Variants in DOCK3 observed in about 807,000 individuals in gnomAD.
DOCK3 encodes the protein dedicator of cytokinesis 3, also known as dedicator of cytokinesis protein 3.
DOCK3 carries 60 observed loss-of-function variants against 265.6 expected under a neutral mutation model. That is an observed-to-expected ratio of 0.23 (90% CI 0.18 to 0.28). The LOEUF (loss-of-function observed/expected upper bound fraction) is 0.28. DOCK3 is among the 10% of genes least tolerant of loss of function. The pLI is 1.00. For synonymous variants in DOCK3, 881 were observed against 938.0 expected, an observed-to-expected ratio of 0.94 and a Z score of 1.11; for missense variants, 1,981 against 2,594.3, an observed-to-expected ratio of 0.76 and a Z score of 5.14.
rs550649264 is a variant in DOCK3 at position 51,146,189 on chromosome 3, A to G, written c.747-360A>G. Among the ~76,000 whole-genome samples, 14 of 152,340 alleles carry G rather than the reference A, an allele frequency of 9.2e-5. No individual in the cohort carries two copies. The East Asian group carries it at 2.5e-3, about 27-fold the overall frequency. ...TTATGATGATCTGAGTGCTCACATC[A>G]AAGAATGTATATGCTTGTTATGGAT... On this transcript the variant is annotated intron_variant, in intron 9 of 52. Coordinates refer to ENST00000266037, the MANE Select transcript of DOCK3 (RefSeq NM_004947.5).
In DOCK3 at chr3:51,264,307, C is replaced by T. The variant is rs111261742; in HGVS notation, c.2355+3981C>T. Reference sequence around the variant, plus strand: ...AACTGAACAACCTGCTCCTGAATGACTACTGGGTACATAACGAAATTAAGG... The same window carrying T: ...AACTGAACAACCTGCTCCTGAATGATTACTGGGTACATAACGAAATTAAGG... On this transcript the variant is annotated intron_variant, in intron 23 of 52. Coordinates refer to ENST00000266037, the MANE Select transcript of DOCK3 (RefSeq NM_004947.5). 3.7e-3 allele frequency among the ~76,000 whole-genome samples: 568 copies of T among 152,280 alleles called. 4 individuals are homozygous for T. Among genetic ancestry groups the T allele is most frequent in the African/African-American group, 0.013 (544 of 41,560 alleles).
chr3:51,100,597 C>T (rs2083044077), intron 9 of DOCK3, among the ~76,000 whole-genome samples: 1 of 152,080 alleles, frequency 6.6e-6, no homozygotes, highest in African/African-American at 2.4e-5. Context: ...ATTTGACCCA[C>T]CACAGGAGAA....
chr3:51,317,389 C>T (rs1334473671), intron 32 of DOCK3, among the ~76,000 whole-genome samples: 3 of 150,846 alleles, frequency 2.0e-5, no homozygotes, highest in Admixed American at 6.6e-5. Context: ...AGCTATTGCA[C>T]CACGTGGTAA....
intron 5 of DOCK3, among the ~76,000 whole-genome samples, chr3:51,002,613 A>T (rs1452170101): frequency 6.6e-6 from 1 of 152,164 alleles, no homozygotes; most frequent in African/African-American, 2.4e-5. Context: ...TTCAAGGTTT[A>T]TTTGGGGGAG....
chr3:50,992,688 G>C (rs1219855201), intron 5 of DOCK3, among the ~76,000 whole-genome samples: 3 of 152,104 alleles, frequency 2.0e-5, no homozygotes, highest in African/African-American at 7.2e-5. Context: ...AATGTAATTG[G>C]GAATGATGAA....
At chr3:51,363,813 A>G (rs2086920984) in intron 49 of DOCK3, among the ~76,000 whole-genome samples, 1 of 152,226 alleles carries the variant, frequency 6.6e-6, no homozygotes, top group African/African-American at 2.4e-5. Flanking sequence ...AAAGGACATG[A>G]ACTCATCCTT....
intron 9 of DOCK3, among the ~76,000 whole-genome samples, chr3:51,093,001 T>G (rs1385291316): frequency 1.3e-5 from 2 of 152,194 alleles, no homozygotes; most frequent in Non-Finnish European, 2.9e-5. Flanking sequence ...ATGTGTGGTG[T>G]TATTTCTGAG....
At chr3:50,824,156 T>C (rs926057669) in intron 2 of DOCK3, among the ~76,000 whole-genome samples, 2 of 152,182 alleles carry the variant, frequency 1.3e-5, no homozygotes, top group Non-Finnish European at 2.9e-5. Context: ...TGGGGCTTGC[T>C]CTTTACTCTA....
intron 4 of DOCK3, among the ~76,000 whole-genome samples, chr3:50,932,929 G>T (rs958403767): frequency 2.0e-5 from 3 of 152,176 alleles, no homozygotes; most frequent in Non-Finnish European, 4.4e-5. Flanking sequence ...ATAAAGAAGA[G>T]ATTTAATGGA....
Position 51,348,924 on chromosome 3 carries a change from C to A in DOCK3, c.3988C>A (p.Leu1330Ile). ...QYESLYDYQS[L>I]SWIRKMEASY... ...CGAGAGCCTCTATGATTACCAGAGC[C>A]TCAGCTGGATTCGGGTGAGCTGTGC... Residue 1330 changes from leucine to isoleucine, a missense_variant, in exon 39 of 53, where the codon CTC becomes ATC. Physicochemically the swap from Leu to Ile is conservative, Grantham distance 5. Transcript: ENST00000266037. 1 of 1,574,974 alleles carries A rather than the reference C, an allele frequency of 6.3e-7. No homozygotes were observed. The highest frequency in any genetic ancestry group is 2.3e-5 in the East Asian group (1 of 42,682).
intron 5 of DOCK3, among the ~76,000 whole-genome samples, chr3:50,941,292 A>G (rs574738441): frequency 6.6e-6 from 1 of 152,316 alleles, no homozygotes; most frequent in South Asian, 2.1e-4. Flanking sequence ...ATATGTGGCT[A>G]GCCAGTAAGC....
intron 2 of DOCK3, among the ~76,000 whole-genome samples, chr3:50,833,864 GT>G (rs1287089348): frequency 6.6e-6 from 1 of 152,122 alleles, no homozygotes; most frequent in Non-Finnish European, 1.5e-5. Flanking sequence ...TACTCAAATA[GT>G]TTCCAAATTC....
At chr3:51,267,079 A>G (rs923383067) in intron 23 of DOCK3, among the ~76,000 whole-genome samples, 1 of 152,180 alleles carries the variant, frequency 6.6e-6, no homozygotes, top group Admixed American at 6.5e-5. Flanking sequence ...GCTCATCATC[A>G]CTGGTCATTA....
intron 22 of DOCK3, among the ~76,000 whole-genome samples, chr3:51,257,235 T>C (rs2079597904): frequency 6.6e-6 from 1 of 152,244 alleles, no homozygotes; most frequent in Admixed American, 6.5e-5. Flanking sequence ...TTTCAGCTTA[T>C]AAGTCTCCTT....
At chr3:51,307,878 G>GTTTTTTTTTTTTTTTTTTTTTT (rs1197872774) in intron 27 of DOCK3, among the ~76,000 whole-genome samples, 1 of 42,022 alleles carries the variant, frequency 2.4e-5, no homozygotes, top group Non-Finnish European at 5.5e-5. Flanking sequence ...AAATTATATG[G>GTTTTTTTTTTTTTTTTTTTTTT]GTTTTTTTTT....
At chr3:50,693,893 A>C (rs751667891) in intron 1 of DOCK3, among the ~76,000 whole-genome samples, 1 of 151,916 alleles carries the variant, frequency 6.6e-6, no homozygotes, top group Non-Finnish European at 1.5e-5. Flanking sequence ...TGGTTTTTGC[A>C]TGTTGATTTT....
intron 21 of DOCK3, among the ~76,000 whole-genome samples, chr3:51,238,216 C>G (rs1389124109): frequency 2.3e-5 from 3 of 131,800 alleles, no homozygotes; most frequent in Non-Finnish European, 4.6e-5. Flanking sequence ...AATCTTGGCT[C>G]ACTGCAAGCT....
chr3:51,225,841 C>A, intron 15 of DOCK3, 68 bp downstream of exon 15: 7 of 1,536,480 alleles, frequency 4.6e-6, no homozygotes, highest in Non-Finnish European at 6.1e-6. Context: ...GGACTTTATC[C>A]AGAGGCCCAT....
chr3:50,878,495 G>A (rs1321853474), intron 3 of DOCK3, among the ~76,000 whole-genome samples: 2 of 152,188 alleles, frequency 1.3e-5, no homozygotes, highest in African/African-American at 4.8e-5. Context: ...ACAAGCTTCA[G>A]TAGCTGATTT....
Sources: gnomAD v4.1 joint callset for allele counts (sites outside exome capture counted in the v4.1 genomes callset) on GRCh38, gnomAD v4.1.1 for gene constraint, MANE v1.5 for transcripts, NCBI Gene and HGNC (gene_info 2026-07-23, HGNC 2026-07-21) for gene names.